The following TGFB1 variants were observed in gnomAD, a reference collection of about 807,000 sequenced individuals.
The protein encoded by TGFB1 is transforming growth factor beta 1.
TGFB1 carries 19 observed loss-of-function variants against 43.8 expected under a neutral mutation model. The observed-to-expected ratio is 0.43, with a 90% CI of 0.30 to 0.64. TGFB1 has a LOEUF of 0.64. Ranked by LOEUF, TGFB1 falls within the 30% of genes least tolerant of loss-of-function variation. The pLI, the probability that TGFB1 is intolerant of heterozygous loss-of-function variation, is 0.11. For missense variants in TGFB1, 445 were observed against 529.8 expected, an observed-to-expected ratio of 0.84 and a Z score of 1.57; for synonymous variants, 221 against 236.3, an observed-to-expected ratio of 0.94 and a Z score of 0.60.
At chr19:41,348,749 G>C (rs1007532953) in intron 1 of TGFB1, among the ~76,000 whole-genome samples, 10 of 151,386 alleles carry the variant, frequency 6.6e-5, no homozygotes, top group African/African-American at 2.4e-4. Context: ...TCAGCCTCCC[G>C]AGCAGCTGGG....
chr19:41,341,806 C>T (rs1202301202), intron 5 of TGFB1, 77 bp downstream of exon 5: 14 of 1,594,562 alleles, frequency 8.8e-6, no homozygotes, highest in Non-Finnish European at 1.2e-5. Flanking sequence ...GCCAGGTGTC[C>T]AACCTGGAGC....
At chr19:41,341,061 G>A (rs1417586336) in intron 5 of TGFB1, among the ~76,000 whole-genome samples, 1 of 152,112 alleles carries the variant, frequency 6.6e-6, no homozygotes, top group Admixed American at 6.6e-5. Flanking sequence ...GCTGGGCGTG[G>A]TGGCTCACAC....
Position 41,352,840 on chromosome 19 carries a change from GCAC to G in TGFB1, c.202_204del (p.Val68del). On this transcript the variant is annotated inframe_deletion, in exon 1 of 7. Coordinates refer to ENST00000221930, the MANE Select transcript of TGFB1 (RefSeq NM_000660.7). ...ACGGCCTCGGGCAGCGGGCCGGGCG[GCAC>G]CTCCCCCTGGCTCGGGGGGCTGGCG... is the stretch of plus-strand genomic sequence containing the variant. 1.9e-6 allele frequency: 3 copies of G among 1,573,986 alleles called. No individual in the cohort carries two copies. The highest frequency in any genetic ancestry group is 1.7e-6 in the Non-Finnish European group (2 of 1,162,074).
At chr19:41,348,163 G>T (rs987738987) in intron 2 of TGFB1, 132 bp downstream of exon 2, 3 of 1,052,600 alleles carry the variant, frequency 2.9e-6, no homozygotes, top group African/African-American at 1.6e-5. Flanking sequence ...AGGATTGTAT[G>T]GTTTGTGTTC....
chr19:41,332,408 C>T (rs2037943793), intron 5 of TGFB1, 127 bp from the exon 6 acceptor site: 3 of 1,015,138 alleles, frequency 3.0e-6, no homozygotes, highest in Non-Finnish European at 1.4e-6. Context: ...CTGGGTCTCC[C>T]TTGCACCCAC....
intron 5 of TGFB1, among the ~76,000 whole-genome samples, chr19:41,341,120 A>G (rs1325386013): frequency 6.6e-6 from 1 of 151,382 alleles, no homozygotes; most frequent in Non-Finnish European, 1.5e-5. Flanking sequence ...TCACGAGGTC[A>G]GGAGATCAAG....
At chr19:41,331,973 T>C (rs768441422) in intron 6 of TGFB1, 155 bp downstream of exon 6, 1 of 1,056,320 alleles carries the variant, frequency 9.5e-7, no homozygotes, top group Non-Finnish European at 1.4e-6. Context: ...CCTGCCTCTC[T>C]CCCCATCTCT....
intron 1 of TGFB1, among the ~76,000 whole-genome samples, chr19:41,352,317 C>T (rs555297746): frequency 6.6e-6 from 1 of 151,492 alleles, no homozygotes; most frequent in South Asian, 2.1e-4. Flanking sequence ...ACACCAGGCT[C>T]CCTTCTCTGC....
At chr19:41,342,659 C>T (rs558661329) in intron 3 of TGFB1, among the ~76,000 whole-genome samples, 1 of 152,084 alleles carries the variant, frequency 6.6e-6, no homozygotes, top group Non-Finnish European at 1.5e-5. Flanking sequence ...GGATAACAGG[C>T]ATGCGCCACC....
chr19:41,331,319 C>CT (rs1227176379), intron 6 of TGFB1, 109 bp from the exon 7 acceptor site: 31 of 1,302,972 alleles, frequency 2.4e-5, no homozygotes, highest in Non-Finnish European at 3.1e-5. Context: ...CACTTCGTCT[C>CT]TCCCCGCATC....
Position 41,331,036 on chromosome 19 carries a change from G to A in TGFB1, c.*16C>T. ...GGGGCCGGGCCTGCCGGGGCGGGGC[G>A]GGGCGGGGCGGGACCTCAGCTGCAC... On this transcript the variant is annotated 3_prime_UTR_variant, in exon 7 of 7. Coordinates refer to ENST00000221930, the MANE Select transcript of TGFB1 (RefSeq NM_000660.7). 1 of 1,528,530 alleles carries A rather than the reference G, an allele frequency of 6.5e-7. No homozygotes were observed. The highest frequency in any genetic ancestry group is 8.8e-7 in the Non-Finnish European group (1 of 1,140,024). 94.7% of individuals were successfully genotyped at this position (1,528,530 alleles called of 1,614,324 possible). A position where few individuals can be genotyped will look rare whatever the true frequency, so the allele number is the denominator to read the frequency against.
rs2037926791 is a variant in TGFB1 at position 41,331,222 on chromosome 19, G to C, written c.1015-12C>G. On this transcript the variant is annotated splice_polypyrimidine_tract_variant and intron_variant, in intron 6 of 6. Transcript: ENST00000221930. ...TACAGGGCCAGGACCTGCGGGCGGCGGGCGGGGTCAGGGCTCAGGGCTCGT... is the reference window on the plus strand; with the variant it reads ...TACAGGGCCAGGACCTGCGGGCGGCCGGCGGGGTCAGGGCTCAGGGCTCGT... 2 of 1,508,344 alleles carry C rather than the reference G, an allele frequency of 1.3e-6. No individual in the cohort carries two copies. Among genetic ancestry groups the C allele is most frequent in the South Asian group, 1.2e-5 (1 of 82,118 alleles). 93.4% of individuals were successfully genotyped at this position (1,508,344 alleles called of 1,614,324 possible).
chr19:41,340,292 C>A (rs2123095270), intron 5 of TGFB1, among the ~76,000 whole-genome samples: 2 of 136,884 alleles, frequency 1.5e-5, no homozygotes, highest in African/African-American at 5.6e-5. Context: ...AGTCTCGCAT[C>A]ATTGCCCAGG....
At chr19:41,337,439 C>A (rs1441631615) in intron 5 of TGFB1, among the ~76,000 whole-genome samples, 2 of 151,814 alleles carry the variant, frequency 1.3e-5, no homozygotes, top group Non-Finnish European at 2.9e-5. Context: ...CGACAGCTGG[C>A]CTGATTTTTG....
intron 1 of TGFB1, among the ~76,000 whole-genome samples, chr19:41,349,405 C>T (rs2038155980): frequency 6.6e-6 from 1 of 152,148 alleles, no homozygotes; most frequent in African/African-American, 2.4e-5. Flanking sequence ...ATTAGATGAC[C>T]CAGGTCAAGC....
At chr19:41,332,003 C>T in intron 6 of TGFB1, 125 bp downstream of exon 6, 11 of 1,300,464 alleles carry the variant, frequency 8.5e-6, no homozygotes, top group Middle Eastern at 2.0e-4. Context: ...CCCCTCCCCA[C>T]CCCATCCCTC....
At chr19:41,344,201 C>T (rs1345311105) in intron 3 of TGFB1, among the ~76,000 whole-genome samples, 6 of 90,410 alleles carry the variant, frequency 6.6e-5, no homozygotes, top group Non-Finnish European at 1.3e-4. Context: ...CCAGGCTGCT[C>T]TCAAAACTCC....
chr19:41,330,803 A>G lies in TGFB1; in HGVS notation c.*249T>C. On this transcript the variant is annotated 3_prime_UTR_variant, in exon 7 of 7. Transcript: ENST00000221930. The stretch of plus-strand genomic sequence containing the variant: ...CCTGTGCCTTGATGCCGGGCAAAGG[A>G]ATAGTGCAGACAGGCAGGAGGAGGC... 1 of 487,530 alleles carries G rather than the reference A, an allele frequency of 2.1e-6. No individual in the cohort carries two copies. Among genetic ancestry groups the G allele is most frequent in the Non-Finnish European group, 3.7e-6 (1 of 273,826 alleles). The allele number at this position is 487,530 out of a possible 1,614,324, so 30.2% of individuals were successfully genotyped here. A position where few individuals can be genotyped will look rare whatever the true frequency, so the allele number is the denominator to read the frequency against.
chr19:41,332,150 C>T lies in TGFB1; in HGVS notation c.992G>A (p.Ser331Asn), dbSNP rs199713772. ...TACCTTGCTGTACTGCGTGTCCAGG[C>T]TCCAAATGTAGGGGCAGGGCCCGAG... ...FCLGPCPYIW[S>N]LDTQYSKVLA... is the part of the protein sequence containing the mutation. Residue 331 changes from serine (S) to asparagine (N), a missense_variant, in exon 6 of 7, where the codon AGC becomes AAC. Ser to Asn is a conservative substitution (Grantham distance 46, BLOSUM62 1). This residue lies in a region of TGFB1 where 23 missense variants were observed against 54.1 expected (regional missense o/e 0.42). Transcript: ENST00000221930. The T allele has an allele frequency of 3.7e-6, 6 of 1,613,984 alleles. No individual in the cohort carries two copies. The highest frequency in any genetic ancestry group is 5.1e-6 in the Non-Finnish European group (6 of 1,179,954).
Sources: gnomAD v4.1 joint callset for allele counts (sites outside exome capture counted in the v4.1 genomes callset) on GRCh38, gnomAD v4.1.1 for gene constraint, gnomAD v4.1.1 regional missense constraint, MANE v1.5 for transcripts, NCBI Gene and HGNC (gene_info 2026-07-23, HGNC 2026-07-21) for gene names.